The following TMEM131L variants were observed in gnomAD, a reference collection of about 807,000 sequenced individuals.
TMEM131L encodes transmembrane 131 like, also known as transmembrane protein 131-like.
TMEM131L carries 54 observed loss-of-function variants against 192.2 expected under a neutral mutation model. That is an observed-to-expected ratio of 0.28 (90% CI 0.23 to 0.35). TMEM131L has a LOEUF of 0.35. Among genes scored for constraint, TMEM131L ranks in the 10% least tolerant of loss-of-function variants. TMEM131L has a pLI of 1.00. For missense variants in TMEM131L, 1,888 were observed against 1,972.9 expected (o/e 0.96, Z 0.82); for synonymous variants, 701 against 704.9 (o/e 0.99, Z 0.09).
At chr4:153,556,818 T>C (rs1217088556) in intron 5 of TMEM131L, 148 bp from the exon 6 acceptor site, 10 of 579,970 alleles carry the variant, frequency 1.7e-5, no homozygotes, top group Middle Eastern at 9.0e-4. Flanking sequence ...GCTGATCAGT[T>C]TGGGGATTCT....
chr4:153,580,744 GAATACTT>G, intron 7 of TMEM131L, 75 bp from the exon 8 acceptor site: 1 of 775,834 alleles, frequency 1.3e-6, no homozygotes, highest in East Asian at 2.6e-5. Flanking sequence ...TGTAGTTTCT[GAATACTT>G]GATAAATTGT....
chr4:153,558,512 A>G (rs1424331041), intron 7 of TMEM131L, 144 bp downstream of exon 7: 2 of 476,568 alleles, frequency 4.2e-6, no homozygotes, highest in Non-Finnish European at 7.7e-6. Flanking sequence ...GATTCCACCT[A>G]ACTTCTTTTT....
rs564699710 is a variant in TMEM131L at position 153,583,213 on chromosome 4, A to C, written c.916A>C (p.Ile306Leu). The C allele has an allele frequency of 4.1e-6, 6 of 1,460,796 alleles. No individual in the cohort carries two copies. The South Asian group carries it at 5.7e-5, about 14-fold the overall frequency. 90.5% of individuals were successfully genotyped at this position (1,460,796 alleles called of 1,614,324 possible). A position where few individuals can be genotyped will look rare whatever the true frequency, so the allele number is the denominator to read the frequency against. ...AGATGATTCAGCAGTAAATATGTAT[A>C]TATTACATTCAGGAAACAGCCTTAT... The part of the protein sequence containing the change: ...TSDDSAVNMY[I>L]LHSGNSLIWI... The change falls in exon 10 of 35, where the codon ATA becomes CTA. Residue 306 changes from isoleucine (I) to leucine (L), a missense_variant. Ile to Leu is a conservative substitution (Grantham distance 5). Transcript: ENST00000409959.
intron 3 of TMEM131L, among the ~76,000 whole-genome samples, chr4:153,521,726 C>A (rs1449891660): frequency 6.6e-6 from 1 of 152,126 alleles, no homozygotes; most frequent in African/African-American, 2.4e-5. Context: ...CCTTTTACTT[C>A]CGTCTCTGTG....
At chr4:153,470,286 C>T (rs138613877) in intron 2 of TMEM131L, among the ~76,000 whole-genome samples, 75 of 152,278 alleles carry the variant, frequency 4.9e-4, no homozygotes, top group African/African-American at 1.5e-3. Context: ...TAGTGAGCAC[C>T]TACTGTAGCT....
chr4:153,529,676 G>A (rs1387257659), intron 3 of TMEM131L, among the ~76,000 whole-genome samples: 6 of 152,320 alleles, frequency 3.9e-5, no homozygotes, highest in Admixed American at 2.0e-4. Flanking sequence ...GTATGTGTAC[G>A]TTTTATGTCA....
intron 3 of TMEM131L, among the ~76,000 whole-genome samples, chr4:153,510,903 AAAG>A (rs1471301367): frequency 6.6e-6 from 1 of 151,874 alleles, no homozygotes; most frequent in African/African-American, 2.4e-5. Context: ...AAAAACAAGA[AAAG>A]AAAAAAACCG....
At chr4:153,625,633 T>C (rs1733788501) in intron 29 of TMEM131L, among the ~76,000 whole-genome samples, 1 of 152,076 alleles carries the variant, frequency 6.6e-6, no homozygotes, top group South Asian at 2.1e-4. Flanking sequence ...TTTATACATA[T>C]ACACACACAT....
rs1443066253 is a variant in TMEM131L at position 153,612,403 on chromosome 4, CTG to C, written c.3567+5_3567+6del. 1 of 1,577,450 alleles carries C rather than the reference CTG, an allele frequency of 6.3e-7. No homozygotes were observed. Among genetic ancestry groups the C allele is most frequent in the African/African-American group, 1.4e-5 (1 of 72,828 alleles). On this transcript the variant is annotated splice_donor_5th_base_variant and intron_variant, in intron 26 of 34. Transcript: ENST00000409959. ...AACAGGACATACCTTTCGTAGAGGTCTGTATTTTTTTTCTTGCCTATTAAAAA... is the reference window on the plus strand; with the variant it reads ...AACAGGACATACCTTTCGTAGAGGTCTATTTTTTTTCTTGCCTATTAAAAA...
intron 3 of TMEM131L, among the ~76,000 whole-genome samples, chr4:153,539,173 G>A (rs573033670): frequency 1.3e-5 from 2 of 152,158 alleles, no homozygotes; most frequent in Non-Finnish European, 2.9e-5. Flanking sequence ...CCCCCAAAAG[G>A]GGGGGAGGCG....
chr4:153,466,486 T>G lies in TMEM131L; in HGVS notation c.89T>G (p.Leu30Arg). 7.1e-7 allele frequency: 1 copy of G among 1,415,106 alleles called. No homozygotes were observed. The highest frequency in any genetic ancestry group is 9.3e-7 in the Non-Finnish European group (1 of 1,075,672). The allele number at this position is 1,415,106 out of a possible 1,614,324, so 87.7% of individuals were successfully genotyped here. The change falls in exon 1 of 35, where the codon CTG (leucine) becomes CGG (arginine). Residue 30 changes from leucine (L) to arginine (R), a missense_variant. Leu to Arg is a moderately radical substitution (Grantham distance 102, BLOSUM62 -2). Coordinates refer to ENST00000409959, the MANE Select transcript of TMEM131L (RefSeq NM_001131007.2). ...CTGCTGGGCGTCTTCCAGGTCCTGC[T>G]GCCCTGCTGTCGCCCGGGAGGGGCT... is the stretch of plus-strand genomic sequence containing the variant. Reference protein sequence around the residue: ...NLLLGVFQVLLPCCRPGGAQG... With the variant: ...NLLLGVFQVLRPCCRPGGAQG...
chr4:153,517,678 C>T (rs772964266), intron 3 of TMEM131L, among the ~76,000 whole-genome samples: 2 of 152,040 alleles, frequency 1.3e-5, no homozygotes, highest in African/African-American at 2.4e-5. Flanking sequence ...TGAGTGGGCT[C>T]CTGAAAACTA....
intron 3 of TMEM131L, among the ~76,000 whole-genome samples, chr4:153,532,053 GA>G (rs1272125361): frequency 6.6e-6 from 1 of 152,194 alleles, no homozygotes; most frequent in African/African-American, 2.4e-5. Flanking sequence ...TAGATGATTG[GA>G]GTCCTTGTAG....
chr4:153,618,096 T>C (rs1314145076), intron 26 of TMEM131L, among the ~76,000 whole-genome samples: 2 of 152,192 alleles, frequency 1.3e-5, no homozygotes, highest in Non-Finnish European at 2.9e-5. Flanking sequence ...AGAATGACTT[T>C]TGCAGTAAGT....
In TMEM131L at chr4:153,524,209, A is replaced by G. The variant is rs560418439; in HGVS notation, c.240-25864A>G. 2.1e-4 allele frequency among the ~76,000 whole-genome samples: 30 copies of G among 140,322 alleles called. No homozygotes were observed. The South Asian group carries it at 5.7e-3, about 27-fold the overall frequency. 92.1% of individuals were successfully genotyped at this position (140,322 alleles called of 152,430 possible). On this transcript the variant is annotated intron_variant, in intron 3 of 34. Transcript: ENST00000409959. ...TGGCCCCTGGCTGCTCTGGATTGCC[A>G]TTCTCAGAGCTTTGCATTCTCAGGA...
chr4:153,605,597 T>C (rs979292181), intron 25 of TMEM131L, among the ~76,000 whole-genome samples: 1 of 152,194 alleles, frequency 6.6e-6, no homozygotes, highest in African/African-American at 2.4e-5. Context: ...TCGAGCAATC[T>C]GCCTGCCTTG....
chr4:153,527,510 C>G (rs1184730587), intron 3 of TMEM131L, among the ~76,000 whole-genome samples: 1 of 152,032 alleles, frequency 6.6e-6, no homozygotes, highest in Admixed American at 6.6e-5. Context: ...CTCCTGGGCT[C>G]AAGTGATCCG....
rs909499800 is a variant in TMEM131L at position 153,472,202 on chromosome 4, G to A, written c.196-1643G>A. Among the ~76,000 whole-genome samples, 138 of 152,150 alleles carry A rather than the reference G, an allele frequency of 9.1e-4. 1 individual carries two copies. Among genetic ancestry groups the A allele is most frequent in the Non-Finnish European group, 1.3e-4 (9 of 68,034 alleles). On this transcript the variant is annotated intron_variant, in intron 2 of 34. Transcript: ENST00000409959. The stretch of plus-strand genomic sequence containing the variant: ...TGATGAAATTGAGGCACAGAACAGC[G>A]AAATTACTTGGCTCAAGGTAATAAG...
At chr4:153,476,698 A>C (rs1731565426) in intron 3 of TMEM131L, among the ~76,000 whole-genome samples, 2 of 152,178 alleles carry the variant, frequency 1.3e-5, no homozygotes, top group Admixed American at 1.3e-4. Context: ...CTCAAAAAAA[A>C]CAAAAACAAA....
Sources: allele counts gnomAD v4.1 joint callset (sites outside exome capture counted in the v4.1 genomes callset), GRCh38; gene constraint gnomAD v4.1.1; transcripts MANE v1.5; gene names NCBI Gene and HGNC (gene_info 2026-07-23, HGNC 2026-07-21).